Variants in ZFYVE9 observed in about 807,000 individuals in gnomAD.
The protein encoded by ZFYVE9 is zinc finger FYVE-type containing 9, also known as zinc finger FYVE domain-containing protein 9.
Under a neutral mutation model 126.7 loss-of-function variants are expected in ZFYVE9, and 43 were observed. The ratio of observed to expected loss-of-function variants is 0.34; its 90% CI spans 0.27 to 0.44. ZFYVE9 has a LOEUF of 0.44. ZFYVE9 is among the 20% of genes least tolerant of loss of function. ZFYVE9 has a pLI of 1.00. For missense variants in ZFYVE9, 1,476 were observed against 1,697.0 expected, an observed-to-expected ratio of 0.87 and a Z score of 2.29; for synonymous variants, 521 against 597.4, an observed-to-expected ratio of 0.87 and a Z score of 1.87.
intron 4 of ZFYVE9, among the ~76,000 whole-genome samples, chr1:52,262,959 C>T (rs1002722739): frequency 2.0e-5 from 3 of 151,492 alleles, no homozygotes; most frequent in Non-Finnish European, 4.4e-5. Flanking sequence ...ACCTGAAGTC[C>T]CAGCTACTCA....
chr1:52,201,446 G>A (rs1459041481), intron 1 of ZFYVE9, among the ~76,000 whole-genome samples: 2 of 147,126 alleles, frequency 1.4e-5, no homozygotes, highest in Admixed American at 6.9e-5. Flanking sequence ...GCGCAATCTC[G>A]GCTCACTGCA....
rs569166246 is a variant in ZFYVE9, at chr1:52,241,417, T to G, written c.2178+1822T>G. ...TTCTTGTTAGCTGAAGTACTATTTG[T>G]AGATTAGGTTCATCATTTTTATGTT... On this transcript the variant is annotated intron_variant, in intron 4 of 18. Transcript: ENST00000287727. Among the ~76,000 whole-genome samples, 358 of 152,354 alleles carry G rather than the reference T, an allele frequency of 2.3e-3. 3 individuals are homozygous for G. The highest frequency in any genetic ancestry group is 3.4e-3 in the Middle Eastern group (1 of 294).
intron 10 of ZFYVE9, among the ~76,000 whole-genome samples, chr1:52,289,038 T>A (rs79328425): frequency 0.014 from 2,138 of 152,172 alleles, 71 homozygotes; most frequent in East Asian, 0.12. Flanking sequence ...TAAATATACT[T>A]TGAAACAAAA....
At chr1:52,340,826 G>C (rs758758774) in intron 17 of ZFYVE9, among the ~76,000 whole-genome samples, 2 of 149,372 alleles carry the variant, frequency 1.3e-5, no homozygotes, top group South Asian at 2.1e-4. Context: ...ACTTGAACCC[G>C]GGAGGCAGAG....
chr1:52,223,743 T>C (rs1645145109), intron 2 of ZFYVE9, among the ~76,000 whole-genome samples: 1 of 152,188 alleles, frequency 6.6e-6, no homozygotes, highest in Non-Finnish European at 1.5e-5. Context: ...TTAATTATCA[T>C]GTCCCTGAGA....
At chr1:52,245,929 T>G (rs1046343976) in intron 4 of ZFYVE9, among the ~76,000 whole-genome samples, 5 of 152,204 alleles carry the variant, frequency 3.3e-5, no homozygotes, top group Admixed American at 3.3e-4. Flanking sequence ...TGCCATAATT[T>G]TTATTTTTAA....
chr1:52,240,388 A>G (rs765962118), intron 4 of ZFYVE9, among the ~76,000 whole-genome samples: 7 of 152,214 alleles, frequency 4.6e-5, no homozygotes, highest in Non-Finnish European at 8.8e-5. Context: ...AAAACAAACC[A>G]AAAAAGATTA....
At chr1:52,283,237 G>A (rs1474573254) in intron 10 of ZFYVE9, among the ~76,000 whole-genome samples, 1 of 152,172 alleles carries the variant, frequency 6.6e-6, no homozygotes, top group Non-Finnish European at 1.5e-5. Context: ...AAATGGCATT[G>A]GAGGTTCAAG....
intron 1 of ZFYVE9, among the ~76,000 whole-genome samples, chr1:52,146,406 A>G (rs1263883855): frequency 6.6e-6 from 1 of 152,148 alleles, no homozygotes; most frequent in Admixed American, 6.5e-5. Flanking sequence ...AATTTACTTA[A>G]GAACTGTTTT....
intron 1 of ZFYVE9, among the ~76,000 whole-genome samples, chr1:52,206,181 A>G (rs1238796254): frequency 6.6e-6 from 1 of 152,242 alleles, no homozygotes; most frequent in Non-Finnish European, 1.5e-5. Flanking sequence ...TCTTTCAGGC[A>G]TAGCATAGAA....
intron 7 of ZFYVE9, among the ~76,000 whole-genome samples, chr1:52,269,367 G>A (rs1645665718): frequency 6.6e-6 from 1 of 152,026 alleles, no homozygotes. Flanking sequence ...CTGACCTCAA[G>A]TGATCCACCC....
chr1:52,243,962 A>G (rs2124637477), intron 4 of ZFYVE9, among the ~76,000 whole-genome samples: 1 of 152,262 alleles, frequency 6.6e-6, no homozygotes, highest in East Asian at 1.9e-4. Flanking sequence ...AGGTAAATAG[A>G]AAACCAGGAA....
At position 52,142,135 on chromosome 1, in the gene ZFYVE9, G is replaced by T. The variant is rs1012329465; in HGVS notation, c.-411G>T. The T allele has an allele frequency of 1.3e-5, 2 of 151,290 alleles. No individual in the cohort carries two copies. The highest frequency in any genetic ancestry group is 2.4e-5 in the African/African-American group (1 of 41,338). The allele number at this position is 151,290 out of a possible 1,614,324, so 9.4% of individuals were successfully genotyped here. A position where few individuals can be genotyped will look rare whatever the true frequency, so the allele number is the denominator to read the frequency against. ...TGAGGATCCCCGCCTGCCGCACCTC[G>T]GTCGTCCCGCCGCAGCCTTGCGCCC... On this transcript the variant is annotated 5_prime_UTR_variant, in exon 1 of 19. Coordinates refer to ENST00000287727, the MANE Select transcript of ZFYVE9 (RefSeq NM_004799.4). This position sits in a 1 kb window ranked among gnomAD's most constrained non-coding sequence, Gnocchi z 4.5.
intron 1 of ZFYVE9, among the ~76,000 whole-genome samples, chr1:52,182,717 C>T (rs1180025231): frequency 6.6e-6 from 1 of 151,702 alleles, no homozygotes; most frequent in Non-Finnish European, 1.5e-5. Context: ...CCAAATCCCC[C>T]TCTGCGAGAA....
chr1:52,213,735 A>G (rs1645047896), intron 1 of ZFYVE9, among the ~76,000 whole-genome samples: 1 of 152,202 alleles, frequency 6.6e-6, no homozygotes, highest in South Asian at 2.1e-4. Context: ...AATGGTAAGA[A>G]GTAAGAACAG....
intron 4 of ZFYVE9, among the ~76,000 whole-genome samples, chr1:52,263,531 C>A (rs184905848): frequency 6.6e-6 from 1 of 152,140 alleles, no homozygotes; most frequent in East Asian, 1.9e-4. Flanking sequence ...ATATTTGCCA[C>A]GTGATCTTAG....
chr1:52,209,661 G>T (rs985891182), intron 1 of ZFYVE9, among the ~76,000 whole-genome samples: 3 of 152,144 alleles, frequency 2.0e-5, no homozygotes, highest in Non-Finnish European at 2.9e-5. Context: ...GTTGTAGCAT[G>T]TATTGGTATG....
chr1:52,255,973 TTTC>T (rs1370123249), intron 4 of ZFYVE9, among the ~76,000 whole-genome samples: 1 of 124,420 alleles, frequency 8.0e-6, no homozygotes, highest in Non-Finnish European at 1.6e-5. Flanking sequence ...CTTTTCTTTC[TTTC>T]TTTCTTTCCT....
chr1:52,263,716 C>G, intron 4 of ZFYVE9, 57 bp from the exon 5 acceptor site: 1 of 939,326 alleles, frequency 1.1e-6, no homozygotes, highest in Non-Finnish European at 1.6e-6. Context: ...GGTTCACTCT[C>G]TTTGCATGGC....
Sources: gnomAD v4.1 joint callset for allele counts (sites outside exome capture counted in the v4.1 genomes callset) on GRCh38, gnomAD v4.1.1 for gene constraint, Gnocchi (gnomAD v3.1) non-coding constraint, MANE v1.5 for transcripts, NCBI Gene and HGNC (gene_info 2026-07-23, HGNC 2026-07-21) for gene names.